STK24: variants seen among roughly 807,000 people sequenced by gnomAD.
The protein encoded by STK24 is serine/threonine-protein kinase 24.
In STK24, 21 loss-of-function variants were observed where a neutral mutation model predicts 55.6. The observed-to-expected ratio is 0.38, with a 90% confidence interval of 0.27 to 0.54. STK24 has a LOEUF of 0.54. Among genes scored for constraint, STK24 ranks in the 20% least tolerant of loss-of-function variants. The pLI, the probability that STK24 is intolerant of heterozygous loss-of-function variation, is 0.79. For missense variants in STK24, 383 were observed against 538.4 expected (o/e 0.71, Z 2.86); for synonymous variants, 200 against 215.2 (o/e 0.93, Z 0.62).
chr13:98,545,281 T>C (rs1353334759), intron 1 of STK24, among the ~76,000 whole-genome samples: 4 of 152,234 alleles, frequency 2.6e-5, no homozygotes, highest in Non-Finnish European at 5.9e-5. Flanking sequence ...AATGAGCCTA[T>C]TTCACACAGG....
At position 98,453,617 on chromosome 13, in the gene STK24, A is replaced by T. The variant is rs142578630; in HGVS notation, c.1260-408T>A. ...ATTTTGGCCATAAAAATAGTGATGC[A>T]GTCCAAGAATCTATTTCCTAGAACT... On this transcript the variant is annotated intron_variant, in intron 10 of 10. Transcript: ENST00000539966. The T allele has an allele frequency of 5.9e-4, 97 of 165,308 alleles. 1 individual carries two copies. Among genetic ancestry groups the T allele is most frequent in the African/African-American group, 2.2e-3 (93 of 41,542 alleles). The allele number at this position is 165,308 out of a possible 1,614,324, so 10.2% of individuals were successfully genotyped here.
rs371529596 is a variant in STK24, at chr13:98,446,873, ACAT to A, written c.*6297_*6299del. The A allele has an allele frequency of 4.1e-4, 656 of 1,583,412 alleles. 4 individuals carry two copies. The African/African-American group carries it at 7.5e-3, about 18-fold the overall frequency. Reference sequence around the variant, plus strand: ...TGCAGAAGAGGACCCCCTCTTCCAAACATCAGGATTTCTCCCAAGTCAGCGAGT... The same window carrying A: ...TGCAGAAGAGGACCCCCTCTTCCAAACAGGATTTCTCCCAAGTCAGCGAGT... On this transcript the variant is annotated 3_prime_UTR_variant, in exon 11 of 11. Coordinates refer to ENST00000539966, the MANE Select transcript of STK24 (RefSeq NM_001032296.4).
In STK24 at chr13:98,482,325, T is replaced by C. The variant is rs368005784; in HGVS notation, c.274-4A>G. The C allele has an allele frequency of 3.3e-6, 5 of 1,529,782 alleles. No homozygotes were observed. The highest frequency in any genetic ancestry group is 3.6e-6 in the Non-Finnish European group (4 of 1,122,522). 94.8% of individuals were successfully genotyped at this position (1,529,782 alleles called of 1,614,324 possible). A position where few individuals can be genotyped will look rare whatever the true frequency, so the allele number is the denominator to read the frequency against. On this transcript the variant is annotated splice_polypyrimidine_tract_variant and splice_region_variant and intron_variant, in intron 2 of 10. Transcript: ENST00000539966. ...TTATTATCCATAATTTTGTATCCTA[T>C]AAAACAAAAAAAAGAAGAGAATCAT...
intron 1 of STK24, among the ~76,000 whole-genome samples, chr13:98,560,724 C>T (rs1414444833): frequency 6.6e-6 from 1 of 151,598 alleles, no homozygotes; most frequent in Non-Finnish European, 1.5e-5. Context: ...AGTAAAAATA[C>T]AAAAAAATTA....
chr13:98,461,758 G>A lies in STK24; in HGVS notation c.1053+16C>T, dbSNP rs373691736. On this transcript the variant is annotated intron_variant, in intron 8 of 10. Coordinates refer to ENST00000539966, the MANE Select transcript of STK24 (RefSeq NM_001032296.4). ...GACTGAGGTCAGCGTGGCCATTCTG[G>A]AGTGAGCAGACGTACCTTATTTCTG... 1.1e-5 allele frequency: 17 copies of A among 1,613,524 alleles called. No homozygotes were observed. Among genetic ancestry groups the A allele is most frequent in the Admixed American group, 8.3e-5 (5 of 60,008 alleles).
chr13:98,462,884 G>A (rs531270421), intron 7 of STK24, among the ~76,000 whole-genome samples: 1 of 152,196 alleles, frequency 6.6e-6, no homozygotes, highest in East Asian at 1.9e-4. Flanking sequence ...CCGCGTCCTG[G>A]CTCTCCAAAC....
rs746378770 is a variant in STK24 at position 98,457,321 on chromosome 13, A to G, written c.1123-17T>C. 1.9e-6 allele frequency: 3 copies of G among 1,613,978 alleles called. No homozygotes were observed. Among genetic ancestry groups the G allele is most frequent in the Non-Finnish European group, 2.5e-6 (3 of 1,180,012 alleles). ...CTCCTTCAACTGAAAACACACGAAC[A>G]GGAAGAATGGCATGAAGCACACCAG... On this transcript the variant is annotated splice_polypyrimidine_tract_variant and intron_variant, in intron 9 of 10. Coordinates refer to ENST00000539966, the MANE Select transcript of STK24 (RefSeq NM_001032296.4).
intron 10 of STK24, chr13:98,456,890 GA>G (rs1216803338): frequency 1.9e-6 from 1 of 528,908 alleles, no homozygotes; most frequent in Non-Finnish European, 3.4e-6. Flanking sequence ...TAATTAAGAG[GA>G]AACAGGTATT....
chr13:98,466,769 A>G (rs55809544), intron 5 of STK24, among the ~76,000 whole-genome samples: 20,594 of 152,286 alleles, frequency 0.14, 1,417 homozygotes, highest in Middle Eastern at 0.21. Context: ...CTGCCTCTAC[A>G]TGGAGATGGC....
In STK24 at chr13:98,568,350, C is replaced by T. The variant is rs574636151; in HGVS notation, c.42+8395G>A. On this transcript the variant is annotated intron_variant, in intron 1 of 10. Transcript: ENST00000539966. ...TGGACCCCCGGCTCTCAGGAACTGA[C>T]GGCACCAGTCCCTCTGCCGGGGGAA... Among the ~76,000 whole-genome samples, 21 of 152,224 alleles carry T rather than the reference C, an allele frequency of 1.4e-4. No homozygotes were observed. The East Asian group carries it at 3.3e-3, about 24-fold the overall frequency.
At chr13:98,483,501 C>T (rs1425304083) in intron 2 of STK24, among the ~76,000 whole-genome samples, 1 of 152,204 alleles carries the variant, frequency 6.6e-6, no homozygotes, top group East Asian at 1.9e-4. Flanking sequence ...TCGCCCCTGA[C>T]TCCAGGTCTC....
intron 1 of STK24, chr13:98,576,073 G>A: frequency 2.0e-6 from 2 of 984,538 alleles, no homozygotes; most frequent in Non-Finnish European, 2.4e-6. Flanking sequence ...TCCCGGGGCC[G>A]GGCCCGGGAC....
At chr13:98,509,153 T>G (rs530346995) in intron 2 of STK24, among the ~76,000 whole-genome samples, 2 of 152,242 alleles carry the variant, frequency 1.3e-5, no homozygotes, top group South Asian at 4.1e-4. Context: ...TATAGAAAAC[T>G]TCCTAGGAGA....
intron 1 of STK24, among the ~76,000 whole-genome samples, chr13:98,573,559 G>T (rs1385994734): frequency 1.3e-5 from 2 of 152,160 alleles, no homozygotes; most frequent in African/African-American, 4.8e-5. Context: ...TACTTTAAAT[G>T]GTAACCTCAT....
chr13:98,494,851 G>A (rs1385767614), intron 2 of STK24, among the ~76,000 whole-genome samples: 1 of 152,146 alleles, frequency 6.6e-6, no homozygotes, highest in Non-Finnish European at 1.5e-5. Context: ...AGGCACCCCG[G>A]GGCACAAACA....
At chr13:98,455,165 C>G (rs1006089540) in intron 10 of STK24, 2 of 152,184 alleles carry the variant, frequency 1.3e-5, no homozygotes, top group African/African-American at 4.8e-5. Flanking sequence ...TTGGATCTGG[C>G]AGGTTAAAAA....
intron 1 of STK24, among the ~76,000 whole-genome samples, chr13:98,540,763 C>CAAAAAAAAAA (rs35957882): frequency 1.7e-5 from 1 of 58,870 alleles, no homozygotes; most frequent in East Asian, 6.7e-4. Context: ...ATATTAAAAG[C>CAAAAAAAAAA]AAAAAAAAAA....
chr13:98,475,229 T>C, intron 4 of STK24, 21 bp downstream of exon 4: 2 of 1,583,584 alleles, frequency 1.3e-6, no homozygotes, highest in South Asian at 2.3e-5. Flanking sequence ...TTCAAAGGAA[T>C]GAAAACGGAT....
intron 2 of STK24, among the ~76,000 whole-genome samples, chr13:98,516,387 T>A (rs1267317149): frequency 6.6e-6 from 1 of 152,206 alleles, no homozygotes; most frequent in Non-Finnish European, 1.5e-5. Flanking sequence ...TCAACCTGCC[T>A]GGAGGCCATC....
Sources: gnomAD v4.1 joint callset for allele counts (sites outside exome capture counted in the v4.1 genomes callset) on GRCh38, gnomAD v4.1.1 for gene constraint, MANE v1.5 for transcripts, NCBI Gene and HGNC (gene_info 2026-07-23, HGNC 2026-07-21) for gene names.